The following CAP2 variants were observed in gnomAD, a reference collection of about 807,000 sequenced individuals.
CAP2 encodes adenylyl cyclase-associated protein 2.
Under a neutral mutation model 57.7 loss-of-function variants are expected in CAP2, and 24 were observed. That is an observed-to-expected ratio of 0.42 (90% CI 0.30 to 0.58). CAP2 has a LOEUF of 0.58. CAP2 is among the 20% of genes least tolerant of loss of function. The pLI, the probability that CAP2 is intolerant of heterozygous loss-of-function variation, is 0.22. For missense variants in CAP2, 501 were observed against 590.3 expected, an observed-to-expected ratio of 0.85 and a Z score of 1.57; for synonymous variants, 194 against 207.2, an observed-to-expected ratio of 0.94 and a Z score of 0.55.
chr6:17,416,478 C>T (rs966616657), intron 1 of CAP2, among the ~76,000 whole-genome samples: 4 of 152,088 alleles, frequency 2.6e-5, no homozygotes, highest in East Asian at 1.9e-4. Context: ...CACTGGATAT[C>T]GATCACAGAA....
rs1197104013 is a variant in CAP2 at position 17,406,412 on chromosome 6, T to TTTTTTTTTTTTTTTTC, written c.-2+12667_-2+12668insTTTTTTTTTTTTTTCT. ...AGCCCAGATTTCTTTTTTTTTTTTT[T>TTTTTTTTTTTTTTTTC]TGAGGCAGTCTCACTCTGTCGCCCA... On this transcript the variant is annotated intron_variant, in intron 1 of 12. Transcript: ENST00000229922. 3.1e-4 allele frequency among the ~76,000 whole-genome samples: 42 copies of TTTTTTTTTTTTTTTTC among 135,264 alleles called. 1 individual carries two copies. The highest frequency in any genetic ancestry group is 1.5e-3 in the African/African-American group (40 of 27,018). 88.7% of individuals were successfully genotyped at this position (135,264 alleles called of 152,430 possible).
chr6:17,522,787 A>G (rs990330690), intron 7 of CAP2, among the ~76,000 whole-genome samples: 4 of 152,054 alleles, frequency 2.6e-5, no homozygotes, highest in Non-Finnish European at 2.9e-5. Flanking sequence ...CCTTTGCCAT[A>G]GGTTTTGTTG....
intron 3 of CAP2, among the ~76,000 whole-genome samples, chr6:17,447,157 C>T (rs1047785233): frequency 1.4e-5 from 2 of 146,394 alleles, no homozygotes; most frequent in South Asian, 2.2e-4. Context: ...CAAGTAACTG[C>T]GACCACAGGC....
intron 11 of CAP2, among the ~76,000 whole-genome samples, chr6:17,545,252 A>T (rs1420462699): frequency 1.2e-4 from 18 of 152,162 alleles, no homozygotes; most frequent in Non-Finnish European, 2.4e-4. Context: ...AATTTTAGAG[A>T]GTTTATTTCA....
intron 4 of CAP2, among the ~76,000 whole-genome samples, chr6:17,499,432 G>T (rs1761745767): frequency 6.7e-6 from 1 of 148,366 alleles, no homozygotes; most frequent in African/African-American, 2.5e-5. Context: ...TAAAGTAGGA[G>T]TTTATGCATG....
intron 4 of CAP2, among the ~76,000 whole-genome samples, chr6:17,475,603 C>T (rs1014947057): frequency 5.9e-5 from 9 of 152,132 alleles, no homozygotes; most frequent in Admixed American, 5.2e-4. Context: ...TGACAGATGT[C>T]GCTCAAGCCT....
At chr6:17,511,203 G>C (rs1212586419) in intron 6 of CAP2, among the ~76,000 whole-genome samples, 1 of 152,066 alleles carries the variant, frequency 6.6e-6, no homozygotes, top group Admixed American at 6.5e-5. Context: ...TCACCCTTGA[G>C]CTTCTGAAAG....
At chr6:17,424,348 C>G (rs1157454502) in intron 2 of CAP2, among the ~76,000 whole-genome samples, 4 of 152,028 alleles carry the variant, frequency 2.6e-5, no homozygotes, top group Non-Finnish European at 4.4e-5. Context: ...TGCAGTGAGC[C>G]GAGATCGCGC....
intron 4 of CAP2, among the ~76,000 whole-genome samples, chr6:17,473,535 C>T (rs1014819753): frequency 6.6e-6 from 1 of 152,152 alleles, no homozygotes; most frequent in African/African-American, 2.4e-5. Context: ...TTTTAAAAGC[C>T]AAACATATTT....
chr6:17,481,173 A>C (rs1463119609), intron 4 of CAP2, among the ~76,000 whole-genome samples: 1 of 152,006 alleles, frequency 6.6e-6, no homozygotes, highest in Non-Finnish European at 1.5e-5. Flanking sequence ...TTTAATAAGC[A>C]AGTTTAGGCT....
At chr6:17,544,921 C>T (rs536545602) in intron 11 of CAP2, among the ~76,000 whole-genome samples, 16 of 152,222 alleles carry the variant, frequency 1.1e-4, no homozygotes, top group East Asian at 1.9e-4. Flanking sequence ...CAAACTATTA[C>T]GCATGCAAAT....
At chr6:17,490,019 T>G (rs1022754175) in intron 4 of CAP2, among the ~76,000 whole-genome samples, 8 of 152,130 alleles carry the variant, frequency 5.3e-5, no homozygotes, top group African/African-American at 9.7e-5. Context: ...CTCCTCTTAC[T>G]TGACTGTCAC....
chr6:17,408,119 A>C (rs1297561356), intron 1 of CAP2, among the ~76,000 whole-genome samples: 1 of 152,202 alleles, frequency 6.6e-6, no homozygotes, highest in Non-Finnish European at 1.5e-5. Context: ...TAGTATTGCT[A>C]TAAAGGATAC....
At chr6:17,438,226 C>T (rs1028578855) in intron 3 of CAP2, among the ~76,000 whole-genome samples, 2 of 150,258 alleles carry the variant, frequency 1.3e-5, no homozygotes, top group Non-Finnish European at 2.9e-5. Flanking sequence ...ATTAGCTGGG[C>T]GTGGAGGTGG....
At chr6:17,394,758 A>ATAATAACCAAGAGGTGGAAACAAAC in intron 1 of CAP2, among the ~76,000 whole-genome samples, 1 of 148,922 alleles carries the variant, frequency 6.7e-6, no homozygotes, top group African/African-American at 2.4e-5. Context: ...GTGTAAAATT[A>ATAATAACCAAGAGGTGGAAACAAAC]CAACGGTAGA....
In CAP2 at chr6:17,557,623, AAT is replaced by A. The variant is rs1473855727; in HGVS notation, c.*1184_*1185del. Reference sequence around the variant, plus strand: ...TGGAATACATTGTTTCCATTTTTTAAATATCTTCTATATCCATATAGTATTCA... The same window carrying A: ...TGGAATACATTGTTTCCATTTTTTAAATCTTCTATATCCATATAGTATTCA... On this transcript the variant is annotated 3_prime_UTR_variant, in exon 13 of 13. Coordinates refer to ENST00000229922, the MANE Select transcript of CAP2 (RefSeq NM_006366.3). 6 of 152,184 alleles carry A rather than the reference AAT, an allele frequency of 3.9e-5. No homozygotes were observed. Among genetic ancestry groups the A allele is most frequent in the Admixed American group, 3.3e-4 (5 of 15,274 alleles). The allele number at this position is 152,184 out of a possible 1,614,324, so 9.4% of individuals were successfully genotyped here.
intron 1 of CAP2, among the ~76,000 whole-genome samples, chr6:17,396,239 TG>T (rs2113491815): frequency 6.6e-6 from 1 of 152,322 alleles, no homozygotes; most frequent in South Asian, 2.1e-4. Flanking sequence ...TGGAAAAGTT[TG>T]GCAGTTCTTC....
At chr6:17,451,344 G>C (rs1440670123) in intron 3 of CAP2, among the ~76,000 whole-genome samples, 1 of 151,876 alleles carries the variant, frequency 6.6e-6, no homozygotes, top group Admixed American at 6.6e-5. Flanking sequence ...TTCAACCATG[G>C]GTCATATCAA....
chr6:17,517,937 C>A (rs553979167), intron 7 of CAP2, among the ~76,000 whole-genome samples: 1 of 151,846 alleles, frequency 6.6e-6, no homozygotes, highest in Admixed American at 6.6e-5. Flanking sequence ...AGTTATAAAA[C>A]GTGTTACATT....
Sources: gnomAD v4.1 joint callset for allele counts (sites outside exome capture counted in the v4.1 genomes callset) on GRCh38, gnomAD v4.1.1 for gene constraint, MANE v1.5 for transcripts, NCBI Gene and HGNC (gene_info 2026-07-23, HGNC 2026-07-21) for gene names.